The following RGS6 variants were observed in gnomAD, a reference collection of about 807,000 sequenced individuals.
The protein encoded by RGS6 is regulator of G-protein signaling 6.
A neutral mutation model predicts 78.5 loss-of-function variants in RGS6; 30 were observed. The observed-to-expected ratio is 0.38, with a 90% CI of 0.29 to 0.52. The LOEUF (loss-of-function observed/expected upper bound fraction) is 0.52. Among genes scored for constraint, RGS6 ranks in the 20% least tolerant of loss-of-function variants. The pLI is 0.85. For missense variants in RGS6, 495 were observed against 609.7 expected, an observed-to-expected ratio of 0.81 and a Z score of 1.98; for synonymous variants, 206 against 206.0, an observed-to-expected ratio of 1.00 and a Z score of 0.00.
intron 3 of RGS6, among the ~76,000 whole-genome samples, chr14:72,357,064 A>T (rs1001104913): frequency 6.6e-6 from 1 of 152,056 alleles, no homozygotes; most frequent in Admixed American, 6.6e-5. Context: ...TGAGGTCGGG[A>T]GTTCAAGACC....
intron 2 of RGS6, among the ~76,000 whole-genome samples, chr14:71,988,887 A>G (rs1229076392): frequency 6.6e-6 from 1 of 152,088 alleles, no homozygotes; most frequent in East Asian, 1.9e-4. Context: ...CCTGCCATTC[A>G]CCCCTCAAAT....
At chr14:72,227,642 C>A (rs551828818) in intron 2 of RGS6, among the ~76,000 whole-genome samples, 1 of 152,056 alleles carries the variant, frequency 6.6e-6, no homozygotes, top group Non-Finnish European at 1.5e-5. Flanking sequence ...AAGAAGGGAG[C>A]ATTTTAGTTG....
chr14:71,882,453 G>C, the RGS6 span, among the ~76,000 whole-genome samples: 1 of 152,164 alleles, frequency 6.6e-6, no homozygotes, highest in African/African-American at 2.4e-5. Context: ...CCTGCTTTCT[G>C]CAAAGCACTT....
the RGS6 span, among the ~76,000 whole-genome samples, chr14:71,894,268 A>T: frequency 6.6e-6 from 1 of 152,234 alleles, no homozygotes; most frequent in Non-Finnish European, 1.5e-5. Context: ...ACAAATTAAT[A>T]GTGGTTACTA....
At chr14:72,338,901 T>C (rs894465359) in intron 2 of RGS6, among the ~76,000 whole-genome samples, 1 of 152,174 alleles carries the variant, frequency 6.6e-6, no homozygotes, top group Non-Finnish European at 1.5e-5. Context: ...GAGGAGTGAG[T>C]AACTGTGTGG....
intron 3 of RGS6, among the ~76,000 whole-genome samples, chr14:72,363,687 T>A (rs928163765): frequency 6.6e-6 from 1 of 152,214 alleles, no homozygotes; most frequent in South Asian, 2.1e-4. Flanking sequence ...ACTTTTTCTC[T>A]TCTGAAACCC....
chr14:72,313,263 T>A (rs78031911), intron 2 of RGS6, among the ~76,000 whole-genome samples: 2,451 of 152,288 alleles, frequency 0.016, 76 homozygotes, highest in African/African-American at 0.057. Context: ...CAGGGCCCCT[T>A]GTTCAAGCAT....
chr14:72,608,030 A>T, the RGS6 span, among the ~76,000 whole-genome samples: 2 of 152,220 alleles, frequency 1.3e-5, no homozygotes, highest in Non-Finnish European at 2.9e-5. Flanking sequence ...GTGTCTTACC[A>T]AAATGCACAG....
chr14:72,195,493 G>A (rs551189950), intron 2 of RGS6, among the ~76,000 whole-genome samples: 2 of 152,252 alleles, frequency 1.3e-5, no homozygotes, highest in East Asian at 3.9e-4. Flanking sequence ...AGGGCCCAGG[G>A]CCAGGGGCTA....
chr14:72,087,188 T>C (rs2095077199), intron 2 of RGS6, among the ~76,000 whole-genome samples: 1 of 152,194 alleles, frequency 6.6e-6, no homozygotes, highest in South Asian at 2.1e-4. Context: ...TGGAGTGCAG[T>C]GCCACGATCT....
intron 17 of RGS6, chr14:72,552,562 T>A (rs1377822086): frequency 1.3e-5 from 2 of 152,258 alleles, no homozygotes; most frequent in Non-Finnish European, 2.9e-5. Flanking sequence ...TAGCCCTCCA[T>A]GTGACAGAAA....
intron 2 of RGS6, among the ~76,000 whole-genome samples, chr14:72,124,506 T>C (rs17107761): frequency 0.063 from 9,646 of 152,232 alleles, 341 homozygotes; most frequent in Admixed American, 0.092. Flanking sequence ...CAAGACAAAT[T>C]ACTGTAGGAT....
the RGS6 span, among the ~76,000 whole-genome samples, chr14:71,914,097 C>G: frequency 6.6e-6 from 1 of 152,152 alleles, no homozygotes; most frequent in Non-Finnish European, 1.5e-5. Context: ...TTACATGTGC[C>G]GTGCGCCCTG....
chr14:72,150,048 G>A (rs779592356), intron 2 of RGS6, among the ~76,000 whole-genome samples: 2 of 152,252 alleles, frequency 1.3e-5, no homozygotes, highest in African/African-American at 4.8e-5. Context: ...CCAAATTCAC[G>A]TCTACCTGGA....
chr14:72,552,416 A>G (rs1219819297), intron 17 of RGS6, among the ~76,000 whole-genome samples: 1 of 152,160 alleles, frequency 6.6e-6, no homozygotes, highest in Non-Finnish European at 1.5e-5. Context: ...CCACCAGGCA[A>G]ATGGTGCACG....
chr14:72,081,214 C>CCTA (rs2094808455), intron 2 of RGS6, among the ~76,000 whole-genome samples: 1 of 151,962 alleles, frequency 6.6e-6, no homozygotes, highest in African/African-American at 2.4e-5. Flanking sequence ...TTTCAGTGTA[C>CCTA]AGATTTTTCA....
intron 3 of RGS6, among the ~76,000 whole-genome samples, chr14:72,388,274 A>AT (rs1277691110): frequency 2.0e-5 from 3 of 152,218 alleles, no homozygotes; most frequent in Non-Finnish European, 4.4e-5. Flanking sequence ...ATATACACAT[A>AT]TATATACACA....
chr14:72,088,943 G>A (rs1254270364), intron 2 of RGS6, among the ~76,000 whole-genome samples: 1 of 152,188 alleles, frequency 6.6e-6, no homozygotes, highest in Admixed American at 6.5e-5. Flanking sequence ...AAGCTTACAT[G>A]TTCTCATTGT....
At chr14:71,896,964 T>C in the RGS6 span, among the ~76,000 whole-genome samples, 1 of 152,234 alleles carries the variant, frequency 6.6e-6, no homozygotes, top group Non-Finnish European at 1.5e-5. Flanking sequence ...AGGGTTAGAT[T>C]GGCTTAGGTA....
Sources: gnomAD v4.1 joint callset for allele counts (sites outside exome capture counted in the v4.1 genomes callset) on GRCh38, gnomAD v4.1.1 for gene constraint, MANE v1.5 for transcripts, NCBI Gene and HGNC (gene_info 2026-07-23, HGNC 2026-07-21) for gene names.